The following SMAP1 variants were observed in gnomAD, a reference collection of about 807,000 sequenced individuals.
SMAP1 encodes stromal membrane-associated protein 1.
A neutral mutation model predicts 58.5 loss-of-function variants in SMAP1; 24 were observed. That is an observed-to-expected ratio of 0.41 (90% CI 0.30 to 0.58). The LOEUF is 0.58. Among genes scored for constraint, SMAP1 ranks in the 20% least tolerant of loss-of-function variants. The probability of loss-of-function intolerance (pLI) is 0.29; values close to 1 mark genes in which losing one functional copy is unlikely to be tolerated. For missense variants in SMAP1, 563 were observed against 566.3 expected, an observed-to-expected ratio of 0.99 and a Z score of 0.06; for synonymous variants, 216 against 196.6, an observed-to-expected ratio of 1.10 and a Z score of -0.82.
chr6:70,746,612 G>A (rs927470812), intron 2 of SMAP1, among the ~76,000 whole-genome samples: 3 of 152,130 alleles, frequency 2.0e-5, no homozygotes, highest in Admixed American at 2.0e-4. Context: ...ATGTTCATCA[G>A]GGATATTGGT....
chr6:70,847,075 A>G lies in SMAP1; in HGVS notation c.665-5465A>G, dbSNP rs555191338. 7.2e-5 allele frequency among the ~76,000 whole-genome samples: 11 copies of G among 152,310 alleles called. 1 individual carries two copies. In the South Asian group the frequency reaches 2.3e-3, roughly 32 times the overall value. The stretch of plus-strand genomic sequence containing the variant: ...ATAAATTTAAAGGCACTTGGAATGC[A>G]CCAAGGGGAAGACAATATTGTTAAA... On this transcript the variant is annotated intron_variant, in intron 7 of 10. Coordinates refer to ENST00000370455, the MANE Select transcript of SMAP1 (RefSeq NM_001044305.3).
chr6:70,753,687 C>T (rs1168408083), intron 2 of SMAP1, among the ~76,000 whole-genome samples: 1 of 152,036 alleles, frequency 6.6e-6, no homozygotes, highest in African/African-American at 2.4e-5. Context: ...ATACTGTTTA[C>T]CTTTTATAAT....
chr6:70,795,741 C>CT (rs756434039), intron 5 of SMAP1, among the ~76,000 whole-genome samples: 1,576 of 144,474 alleles, frequency 0.011, 18 homozygotes, highest in Non-Finnish European at 0.017. Context: ...TTTTCTTTTT[C>CT]TTTTTTTTTT....
intron 1 of SMAP1, among the ~76,000 whole-genome samples, chr6:70,687,829 A>G (rs556889222): frequency 2.8e-4 from 43 of 152,064 alleles, no homozygotes; most frequent in Non-Finnish European, 6.2e-4. Context: ...GTGTGTGTGC[A>G]TGTATTTTTA....
chr6:70,786,916 C>T (rs1345917553), intron 4 of SMAP1, among the ~76,000 whole-genome samples: 2 of 152,142 alleles, frequency 1.3e-5, no homozygotes, highest in East Asian at 1.9e-4. Context: ...ATCAAGCTAC[C>T]ACTGACTTTC....
At chr6:70,815,976 C>A (rs905999272) in intron 6 of SMAP1, among the ~76,000 whole-genome samples, 1 of 151,878 alleles carries the variant, frequency 6.6e-6, no homozygotes, top group African/African-American at 2.4e-5. Flanking sequence ...TCTTAAAATT[C>A]AGAAAGAACT....
intron 1 of SMAP1, among the ~76,000 whole-genome samples, chr6:70,723,556 G>C (rs1402073196): frequency 6.6e-6 from 1 of 151,980 alleles, no homozygotes; most frequent in East Asian, 1.9e-4. Context: ...TTTCTCACCT[G>C]TACTCCCTAT....
chr6:70,674,249 G>A (rs1389179360), intron 1 of SMAP1, among the ~76,000 whole-genome samples: 2 of 151,822 alleles, frequency 1.3e-5, no homozygotes, highest in African/African-American at 4.8e-5. Flanking sequence ...AGTAGCTGGG[G>A]CTACAGATGT....
intron 3 of SMAP1, among the ~76,000 whole-genome samples, chr6:70,759,034 C>T (rs144673177): frequency 1.2e-3 from 181 of 152,152 alleles, no homozygotes; most frequent in African/African-American, 3.9e-3. Context: ...AGTCGCTTAG[C>T]ATGTAGGTGA....
At chr6:70,808,151 TCAGAGGTGG>T (rs1769218859) in intron 6 of SMAP1, among the ~76,000 whole-genome samples, 1 of 152,176 alleles carries the variant, frequency 6.6e-6, no homozygotes, top group African/African-American at 2.4e-5. Flanking sequence ...TCTTCCTGTC[TCAGAGGTGG>T]CAGAGGTGGA....
intron 1 of SMAP1, among the ~76,000 whole-genome samples, chr6:70,688,811 T>C (rs553561584): frequency 9.2e-5 from 14 of 152,172 alleles, no homozygotes; most frequent in African/African-American, 3.4e-4. Flanking sequence ...ATTTTTTTTA[T>C]GGACTGTATT....
At chr6:70,754,754 A>G (rs913429282) in intron 2 of SMAP1, among the ~76,000 whole-genome samples, 1 of 152,118 alleles carries the variant, frequency 6.6e-6, no homozygotes, top group African/African-American at 2.4e-5. Context: ...TAGATTATGG[A>G]CTATGGATCA....
chr6:70,819,305 C>T (rs756551661), intron 6 of SMAP1, among the ~76,000 whole-genome samples: 1 of 145,090 alleles, frequency 6.9e-6, no homozygotes, highest in Non-Finnish European at 1.5e-5. Context: ...TTAAAAAATA[C>T]CATGTTTTAA....
intron 5 of SMAP1, among the ~76,000 whole-genome samples, chr6:70,798,282 T>TC (rs1768692836): frequency 6.6e-6 from 1 of 151,812 alleles, no homozygotes; most frequent in African/African-American, 2.4e-5. Context: ...TTTTTTTTTT[T>TC]CCATTCAAAA....
At chr6:70,668,167 C>G (rs201898303) in intron 1 of SMAP1, 26 bp downstream of exon 1, 5 of 1,573,148 alleles carry the variant, frequency 3.2e-6, no homozygotes, top group Non-Finnish European at 4.3e-6. Flanking sequence ...TCGCTGCCCA[C>G]GGTCGGGGCC....
chr6:70,750,324 T>C (rs1220357376), intron 2 of SMAP1, among the ~76,000 whole-genome samples: 1 of 152,218 alleles, frequency 6.6e-6, no homozygotes, highest in Non-Finnish European at 1.5e-5. Context: ...TTTCTTTTTA[T>C]CTATTCCCAT....
intron 6 of SMAP1, among the ~76,000 whole-genome samples, chr6:70,801,784 T>C (rs1364545573): frequency 6.6e-6 from 1 of 152,242 alleles, no homozygotes; most frequent in Non-Finnish European, 1.5e-5. Context: ...CGTTTCTCCA[T>C]TTCTTGTTTT....
In SMAP1 at chr6:70,782,419, G is replaced by A. The variant is rs115802818; in HGVS notation, c.414+8994G>A. ...TGTCAGGTGCTAAAGATGGTGAACCGAATAGAAATAATATCTGCCACAGAT... is the reference window on the plus strand; with the variant it reads ...TGTCAGGTGCTAAAGATGGTGAACCAAATAGAAATAATATCTGCCACAGAT... On this transcript the variant is annotated intron_variant, in intron 4 of 10. Coordinates refer to ENST00000370455, the MANE Select transcript of SMAP1 (RefSeq NM_001044305.3). 8.6e-3 allele frequency among the ~76,000 whole-genome samples: 1,308 copies of A among 152,236 alleles called. 21 individuals are homozygous for A. Among genetic ancestry groups the A allele is most frequent in the African/African-American group, 0.03 (1,242 of 41,532 alleles).
intron 1 of SMAP1, among the ~76,000 whole-genome samples, chr6:70,679,819 T>C (rs968014698): frequency 2.2e-4 from 33 of 152,192 alleles, no homozygotes; most frequent in Admixed American, 5.2e-4. Flanking sequence ...CAAATTAGTC[T>C]CTAAATTCAA....
Sources: gnomAD v4.1 joint callset for allele counts (sites outside exome capture counted in the v4.1 genomes callset) on GRCh38, gnomAD v4.1.1 for gene constraint, MANE v1.5 for transcripts, NCBI Gene and HGNC (gene_info 2026-07-23, HGNC 2026-07-21) for gene names.